SOS1: variants seen among roughly 807,000 people sequenced by gnomAD.
The protein encoded by SOS1 is son of sevenless homolog 1.
SOS1 carries 25 observed loss-of-function variants against 157.6 expected under a neutral mutation model. That is an observed-to-expected ratio of 0.16 (90% confidence interval 0.12 to 0.22). SOS1 has a LOEUF of 0.22. SOS1 is among the 10% of genes least tolerant of loss of function. The pLI, the probability that SOS1 is intolerant of heterozygous loss-of-function variation, is 1.00. For synonymous variants in SOS1, 528 were observed against 534.0 expected, an observed-to-expected ratio of 0.99 and a Z score of 0.16; for missense variants, 1,237 against 1,599.1, an observed-to-expected ratio of 0.77 and a Z score of 3.86.
chr2:39,045,273 A>AGGGTGTGTGTGTGTGTGTGTGTGTGT (rs138343013), intron 6 of SOS1, among the ~76,000 whole-genome samples: 1 of 108,048 alleles, frequency 9.3e-6, no homozygotes, highest in Non-Finnish European at 1.9e-5. Context: ...AGAGAGAGAG[A>AGGGTGTGTGTGTGTGTGTGTGTGTGT]GTGTGTGTGT....
intron 1 of SOS1, among the ~76,000 whole-genome samples, chr2:39,086,363 T>C (rs1167565565): frequency 6.6e-6 from 1 of 152,130 alleles, no homozygotes. Context: ...GTGCATATAC[T>C]AGGATAAGGA....
At chr2:39,003,751 C>G (rs1434117977) in intron 17 of SOS1, among the ~76,000 whole-genome samples, 2 of 151,912 alleles carry the variant, frequency 1.3e-5, no homozygotes, top group Admixed American at 6.6e-5. Context: ...AATAAACAGG[C>G]AAAATTGGCC....
At chr2:39,015,707 C>T (rs1669609758) in intron 10 of SOS1, among the ~76,000 whole-genome samples, 1 of 150,954 alleles carries the variant, frequency 6.6e-6, no homozygotes, top group South Asian at 2.1e-4. Flanking sequence ...TTGTCTTCTG[C>T]ATAAAGAGGG....
chr2:39,031,649 G>A (rs961624503), intron 8 of SOS1, among the ~76,000 whole-genome samples: 1 of 152,078 alleles, frequency 6.6e-6, no homozygotes, highest in Admixed American at 6.6e-5. Context: ...ACTTCAGACC[G>A]CAAGGCAGAG....
intron 8 of SOS1, among the ~76,000 whole-genome samples, chr2:39,026,507 A>G (rs891336193): frequency 6.6e-6 from 1 of 152,226 alleles, no homozygotes; most frequent in African/African-American, 2.4e-5. Context: ...ATTGTTCTTC[A>G]ATATGGCCAG....
At chr2:39,038,685 G>C (rs539747291) in intron 6 of SOS1, among the ~76,000 whole-genome samples, 5 of 112,486 alleles carry the variant, frequency 4.4e-5, no homozygotes, top group Admixed American at 2.4e-4. Context: ...AGTGAGCCGA[G>C]ATCACACCAC....
chr2:39,009,530 CTG>C (rs1309037671), intron 15 of SOS1, among the ~76,000 whole-genome samples: 1 of 152,052 alleles, frequency 6.6e-6, no homozygotes, highest in Non-Finnish European at 1.5e-5. Context: ...ACTTAAACAA[CTG>C]TATAAAATAA....
chr2:39,066,937 A>G (rs1018673921), intron 2 of SOS1, among the ~76,000 whole-genome samples: 1 of 152,264 alleles, frequency 6.6e-6, no homozygotes, highest in Non-Finnish European at 1.5e-5. Context: ...TAGCTTACAA[A>G]CAAAAAAATG....
At position 39,096,319 on chromosome 2, in the gene SOS1, T is replaced by C. The variant is rs181876627; in HGVS notation, c.87+24017A>G. ...AAACAACCTGTTCATTCTACTCAAT[T>C]TTACATAAGTTTATTGATGGAAATC... is the stretch of plus-strand genomic sequence containing the variant. On this transcript the variant is annotated intron_variant, in intron 1 of 22. Transcript: ENST00000402219. Among the ~76,000 whole-genome samples, 45 of 152,306 alleles carry C rather than the reference T, an allele frequency of 3.0e-4. 2 individuals are homozygous for C. The South Asian group carries it at 7.3e-3, about 25-fold the overall frequency.
chr2:39,035,423 C>A lies in SOS1; in HGVS notation c.942G>T (p.Gln314His). 6.2e-7 allele frequency: 1 copy of A among 1,613,762 alleles called. No homozygotes were observed. Among genetic ancestry groups the A allele is most frequent in the Non-Finnish European group, 8.5e-7 (1 of 1,179,812 alleles). ...AAAGTGCTGCCCCAGGCTTTGATAA[C>A]TGACTAAGGAAACGATCATGAAAAC... ...RPGFHDRFLS[Q>H]LSKPGAALYL... The change falls in exon 7 of 23, where the codon CAG becomes CAT. Residue 314 changes from glutamine (Q) to histidine (H), a missense_variant. Gln to His is a conservative substitution (Grantham distance 24). Coordinates refer to ENST00000402219, the MANE Select transcript of SOS1 (RefSeq NM_005633.4).
chr2:38,997,132 A>G lies in SOS1; in HGVS notation c.2965-94T>C, dbSNP rs533069346. 65 of 1,050,508 alleles carry G rather than the reference A, an allele frequency of 6.2e-5. 2 individuals are homozygous for G. In the South Asian group the frequency reaches 9.3e-4, roughly 15 times the overall value. 65.1% of individuals were successfully genotyped at this position (1,050,508 alleles called of 1,614,324 possible). On this transcript the variant is annotated intron_variant, in intron 18 of 22. Transcript: ENST00000402219. ...GTTAAGAAAACATTTAATACAAGTA[A>G]ATTTGAATTATTTCTTTTAAGGTTT...
At chr2:39,035,346 TTA>T in intron 7 of SOS1, 36 bp from the exon 8 acceptor site, 1 of 1,605,768 alleles carries the variant, frequency 6.2e-7, no homozygotes, top group Non-Finnish European at 8.5e-7. Flanking sequence ...TTTTTTAAGT[TTA>T]CTTTTCAGAC....
In SOS1 at chr2:38,985,730, C is replaced by A. The variant is rs972666227; in HGVS notation, c.*94G>T. The A allele has an allele frequency of 5.3e-4, 628 of 1,191,950 alleles. No individual in the cohort carries two copies. Among genetic ancestry groups the A allele is most frequent in the East Asian group, 7.8e-4 (28 of 35,850 alleles). 73.8% of individuals were successfully genotyped at this position (1,191,950 alleles called of 1,614,324 possible). Reference sequence around the variant, plus strand: ...AGAAGAGTCGTTAGTGTTTGGAGTTCTCATTTTAACTCCTCAGTGCTGGCA... The same window carrying A: ...AGAAGAGTCGTTAGTGTTTGGAGTTATCATTTTAACTCCTCAGTGCTGGCA... On this transcript the variant is annotated 3_prime_UTR_variant, in exon 23 of 23. Coordinates refer to ENST00000402219, the MANE Select transcript of SOS1 (RefSeq NM_005633.4).
At chr2:39,001,081 CAG>C (rs1267700894) in intron 17 of SOS1, among the ~76,000 whole-genome samples, 1 of 152,184 alleles carries the variant, frequency 6.6e-6, no homozygotes, top group African/African-American at 2.4e-5. Context: ...ATTTTTGAAA[CAG>C]AGTCTCGCCT....
chr2:38,987,784 C>T, intron 21 of SOS1, 193 bp from the exon 22 acceptor site: 1 of 549,164 alleles, frequency 1.8e-6, no homozygotes, highest in Non-Finnish European at 3.3e-6. Flanking sequence ...CATTTTTTAG[C>T]AGAATATTTA....
At chr2:39,052,400 G>A (rs1671049296) in intron 5 of SOS1, among the ~76,000 whole-genome samples, 2 of 151,810 alleles carry the variant, frequency 1.3e-5, no homozygotes, top group Admixed American at 6.6e-5. Flanking sequence ...TCTAACCATC[G>A]GCACAATCAA....
intron 1 of SOS1, among the ~76,000 whole-genome samples, chr2:39,091,664 T>C (rs1267664887): frequency 1.3e-5 from 2 of 152,012 alleles, no homozygotes; most frequent in East Asian, 1.9e-4. Context: ...CAGAGGCAGA[T>C]TCCTCAAAAG....
chr2:39,058,526 C>T, intron 3 of SOS1, 147 bp downstream of exon 3: 1 of 776,780 alleles, frequency 1.3e-6, no homozygotes. Flanking sequence ...AGCATCCCTT[C>T]TCACCACATA....
At chr2:39,073,801 T>C (rs550510531) in intron 1 of SOS1, among the ~76,000 whole-genome samples, 3 of 152,356 alleles carry the variant, frequency 2.0e-5, no homozygotes, top group African/African-American at 4.8e-5. Context: ...GAATCTTTCA[T>C]ATCCCTTGCT....
Sources: gnomAD v4.1 joint callset for allele counts (sites outside exome capture counted in the v4.1 genomes callset) on GRCh38, gnomAD v4.1.1 for gene constraint, MANE v1.5 for transcripts, NCBI Gene and HGNC (gene_info 2026-07-23, HGNC 2026-07-21) for gene names.